The following GPR158 variants were observed in gnomAD, a reference collection of about 807,000 sequenced individuals.
GPR158 encodes the protein metabotropic glycine receptor.
GPR158 carries 30 observed loss-of-function variants against 78.2 expected under a neutral mutation model. The ratio of observed to expected loss-of-function variants is 0.38; its 90% CI spans 0.29 to 0.52. The LOEUF is 0.52. Among genes scored for constraint, GPR158 ranks in the 20% least tolerant of loss-of-function variants. The pLI, the probability that GPR158 is intolerant of heterozygous loss-of-function variation, is 0.83. For missense variants in GPR158, 1,463 were observed against 1,523.5 expected, an observed-to-expected ratio of 0.96 and a Z score of 0.66; for synonymous variants, 581 against 591.1, an observed-to-expected ratio of 0.98 and a Z score of 0.25.
At chr10:25,228,847 C>G (rs974241040) in intron 2 of GPR158, among the ~76,000 whole-genome samples, 1 of 151,798 alleles carries the variant, frequency 6.6e-6, no homozygotes, top group Non-Finnish European at 1.5e-5. Flanking sequence ...CTGGCTAACA[C>G]GGTGAAACCC....
chr10:25,289,889 A>T (rs773604909), intron 2 of GPR158, among the ~76,000 whole-genome samples: 2 of 152,226 alleles, frequency 1.3e-5, no homozygotes, highest in Non-Finnish European at 2.9e-5. Context: ...GAGAAATCCT[A>T]TTGTAAATTC....
At chr10:25,303,260 A>G (rs1243707692) in intron 2 of GPR158, among the ~76,000 whole-genome samples, 6 of 152,224 alleles carry the variant, frequency 3.9e-5, no homozygotes, top group Non-Finnish European at 7.3e-5. Context: ...TGCACTAGCC[A>G]CATTTCAAAT....
At chr10:25,451,071 C>T (rs1045128347) in intron 4 of GPR158, among the ~76,000 whole-genome samples, 3 of 152,036 alleles carry the variant, frequency 2.0e-5, no homozygotes, top group African/African-American at 7.2e-5. Flanking sequence ...CCAACTGTTT[C>T]AACTTTTTCA....
At chr10:25,236,868 C>A (rs2130701537) in intron 2 of GPR158, among the ~76,000 whole-genome samples, 1 of 152,210 alleles carries the variant, frequency 6.6e-6, no homozygotes, top group Admixed American at 6.5e-5. Context: ...GATGCCTTTC[C>A]TTTCACTTTG....
intron 4 of GPR158, among the ~76,000 whole-genome samples, chr10:25,428,104 G>T (rs1834848752): frequency 6.6e-6 from 1 of 152,014 alleles, no homozygotes; most frequent in Admixed American, 6.6e-5. Flanking sequence ...ATTTGATGAA[G>T]AAATGGATTT....
intron 2 of GPR158, among the ~76,000 whole-genome samples, chr10:25,308,675 G>A (rs7917126): frequency 0.2 from 30,815 of 151,922 alleles, 5,272 homozygotes; most frequent in African/African-American, 0.47. Context: ...TTCATCTTGC[G>A]TAACTGAAAC....
At chr10:25,540,911 T>C (rs1442363727) in intron 5 of GPR158, among the ~76,000 whole-genome samples, 1 of 149,670 alleles carries the variant, frequency 6.7e-6, no homozygotes, top group Non-Finnish European at 1.5e-5. Context: ...CTGCACATTG[T>C]GTACATGTAC....
At chr10:25,566,261 T>A (rs893787918) in intron 6 of GPR158, among the ~76,000 whole-genome samples, 1 of 152,158 alleles carries the variant, frequency 6.6e-6, no homozygotes, top group Non-Finnish European at 1.5e-5. Flanking sequence ...ACAGCAAAAT[T>A]TTCTCTGTTT....
intron 8 of GPR158, 25 bp from the exon 9 acceptor site, chr10:25,594,267 T>C: frequency 9.2e-7 from 1 of 1,091,784 alleles, no homozygotes. Context: ...TCTTGGATTG[T>C]TAACTCAATG....
intron 2 of GPR158, among the ~76,000 whole-genome samples, chr10:25,322,306 G>A (rs928959100): frequency 3.3e-5 from 5 of 151,996 alleles, no homozygotes; most frequent in East Asian, 1.9e-4. Flanking sequence ...GCGTGAACCC[G>A]GGAGGCGGAG....
At chr10:25,517,190 A>G (rs1836189482) in intron 5 of GPR158, among the ~76,000 whole-genome samples, 1 of 146,906 alleles carries the variant, frequency 6.8e-6, no homozygotes, top group South Asian at 2.2e-4. Context: ...GTTGGTGTAT[A>G]AGAATGCTTG....
chr10:25,216,475 G>T (rs1238543003), intron 1 of GPR158, among the ~76,000 whole-genome samples: 1 of 151,876 alleles, frequency 6.6e-6, no homozygotes, highest in African/African-American at 2.4e-5. Context: ...TTTTTTGGGG[G>T]TGGGGGGAAT....
chr10:25,338,566 ATAT>A (rs1408753943), intron 2 of GPR158, among the ~76,000 whole-genome samples: 18 of 146,480 alleles, frequency 1.2e-4, no homozygotes, highest in African/African-American at 4.0e-4. Flanking sequence ...TACGTATTGT[ATAT>A]TATTATATAT....
intron 2 of GPR158, among the ~76,000 whole-genome samples, chr10:25,317,882 C>T (rs149618541): frequency 1.5e-4 from 23 of 152,080 alleles, no homozygotes; most frequent in Non-Finnish European, 1.0e-4. Context: ...GCATGTGCCA[C>T]CAAGCCTGGC....
chr10:25,474,901 A>T (rs1454640612), intron 5 of GPR158, among the ~76,000 whole-genome samples: 1 of 151,932 alleles, frequency 6.6e-6, no homozygotes, highest in African/African-American at 2.4e-5. Context: ...ATCTGCAGTT[A>T]GGCAATAAAA....
intron 2 of GPR158, among the ~76,000 whole-genome samples, chr10:25,254,221 CT>C (rs1189291230): frequency 1.3e-5 from 2 of 152,092 alleles, no homozygotes; most frequent in Non-Finnish European, 2.9e-5. Flanking sequence ...TTAATTATTT[CT>C]TTTTCTTTTC....
At chr10:25,251,648 C>G (rs1420700218) in intron 2 of GPR158, among the ~76,000 whole-genome samples, 3 of 151,164 alleles carry the variant, frequency 2.0e-5, no homozygotes, top group South Asian at 2.1e-4. Flanking sequence ...GGCCCCCACT[C>G]TCTTCTGGCT....
rs1355453172 is a variant in GPR158 at position 25,431,166 on chromosome 10, G to GA, written c.1335+18700dup. Among the ~76,000 whole-genome samples the GA allele has an allele frequency of 2.8e-5, 2 of 70,420 alleles. 1 individual carries two copies. The highest frequency in any genetic ancestry group is 8.5e-5 in the African/African-American group (2 of 23,418). 46.2% of individuals were successfully genotyped at this position (70,420 alleles called of 152,430 possible). On this transcript the variant is annotated intron_variant, in intron 4 of 10. Transcript: ENST00000376351. ...ACAATGAACTCAAACAAATTTACAA[G>GA]AAAAAAACAACCCCATCAAAAATTG... is the stretch of plus-strand genomic sequence containing the variant.
intron 1 of GPR158, among the ~76,000 whole-genome samples, chr10:25,186,562 A>G (rs1373365349): frequency 6.6e-6 from 1 of 152,214 alleles, no homozygotes; most frequent in Non-Finnish European, 1.5e-5. Flanking sequence ...CCTCACAGAA[A>G]TACGAACTAC....
Sources: allele counts gnomAD v4.1 joint callset (sites outside exome capture counted in the v4.1 genomes callset), GRCh38; gene constraint gnomAD v4.1.1; transcripts MANE v1.5; gene names NCBI Gene and HGNC (gene_info 2026-07-23, HGNC 2026-07-21).